LRRC41: variants seen among roughly 807,000 people sequenced by gnomAD.
The protein encoded by LRRC41 is leucine rich repeat containing 41.
LRRC41 carries 17 observed loss-of-function variants against 72.1 expected under a neutral mutation model. That is an observed-to-expected ratio of 0.24 (90% CI 0.16 to 0.35). The LOEUF (loss-of-function observed/expected upper bound fraction) is 0.35, where lower values mean the gene tolerates loss of function less well. Among genes scored for constraint, LRRC41 ranks in the 10% least tolerant of loss-of-function variants. The pLI is 1.00. For missense variants in LRRC41, 759 were observed against 1,065.0 expected, an observed-to-expected ratio of 0.71 and a Z score of 4.00; for synonymous variants, 427 against 431.0, an observed-to-expected ratio of 0.99 and a Z score of 0.11.
At position 46,281,397 on chromosome 1, in the gene LRRC41, AAG is replaced by A. The variant is rs1346959075; in HGVS notation, c.1496-14_1496-13del. On this transcript the variant is annotated splice_polypyrimidine_tract_variant and intron_variant, in intron 4 of 9. Transcript: ENST00000617190. The stretch of plus-strand genomic sequence containing the variant: ...GTTAGAGCCCAGGCCTATGGCAAGA[AAG>A]AGATTAAGTCAGAACCATGTGGGAG... 14 of 1,613,738 alleles carry A rather than the reference AAG, an allele frequency of 8.7e-6. No individual in the cohort carries two copies. Among genetic ancestry groups the A allele is most frequent in the Middle Eastern group, 1.6e-4 (1 of 6,080 alleles).
At chr1:46,299,808 TAG>T (rs999429275) in intron 1 of LRRC41, 1 of 151,498 alleles carries the variant, frequency 6.6e-6, no homozygotes, top group Non-Finnish European at 1.5e-5. Context: ...ACTCAGGAGG[TAG>T]AGACTGCAGT....
At chr1:46,290,925 T>TGG (rs745307617) in intron 3 of LRRC41, among the ~76,000 whole-genome samples, 1 of 68,866 alleles carries the variant, frequency 1.5e-5, no homozygotes, top group Non-Finnish European at 3.4e-5. Flanking sequence ...AGTTTTTTTT[T>TGG]TTTTTTTTTT....
chr1:46,288,906 T>C (rs1443636094), intron 3 of LRRC41, among the ~76,000 whole-genome samples: 1 of 152,224 alleles, frequency 6.6e-6, no homozygotes, highest in East Asian at 1.9e-4. Flanking sequence ...ACTAGCACTT[T>C]TCCTACAGAT....
chr1:46,291,317 A>C (rs1265586182), intron 3 of LRRC41, among the ~76,000 whole-genome samples: 1 of 152,116 alleles, frequency 6.6e-6, no homozygotes, highest in African/African-American at 2.4e-5. Context: ...TATAAATTCT[A>C]AGGAGTAGAA....
At chr1:46,294,761 A>ATT (rs1415675109) in intron 3 of LRRC41, among the ~76,000 whole-genome samples, 1 of 151,082 alleles carries the variant, frequency 6.6e-6, no homozygotes, top group Non-Finnish European at 1.5e-5. Flanking sequence ...CGCCCAGCTA[A>ATT]TTTTTGTATT....
Position 46,281,391 on chromosome 1 carries a change from G to A in LRRC41, c.1496-6C>T. The A allele has an allele frequency of 6.2e-7, 1 of 1,613,866 alleles. No individual in the cohort carries two copies. Among genetic ancestry groups the A allele is most frequent in the Non-Finnish European group, 8.5e-7 (1 of 1,179,796 alleles). ...GAAGATGTTAGAGCCCAGGCCTATG[G>A]CAAGAAAGAGATTAAGTCAGAACCA... On this transcript the variant is annotated splice_region_variant and splice_polypyrimidine_tract_variant and intron_variant, in intron 4 of 9. Coordinates refer to ENST00000617190, the MANE Select transcript of LRRC41 (RefSeq NM_006369.5).
chr1:46,292,194 C>T (rs1661033878), intron 3 of LRRC41, among the ~76,000 whole-genome samples: 1 of 151,216 alleles, frequency 6.6e-6, no homozygotes, highest in South Asian at 2.1e-4. Context: ...CCTGTAATCT[C>T]AGCTACTTGG....
rs561929674 is a variant in LRRC41, at chr1:46,285,241, C to T, written c.1495+121G>A. ...TCTCCCCTGCTATGAGGCATACAAGCCTTCCTCTCTAACCTCCTGATCATA... is the reference window on the plus strand; with the variant it reads ...TCTCCCCTGCTATGAGGCATACAAGTCTTCCTCTCTAACCTCCTGATCATA... On this transcript the variant is annotated intron_variant, in intron 4 of 9. Transcript: ENST00000617190. This position sits in a 1 kb window ranked among gnomAD's most constrained non-coding sequence, Gnocchi z 5.3. 4.9e-5 allele frequency: 45 copies of T among 910,994 alleles called. No individual in the cohort carries two copies. The African/African-American group carries it at 5.7e-4, about 12-fold the overall frequency. The allele number at this position is 910,994 out of a possible 1,614,324, so 56.4% of individuals were successfully genotyped here.
At chr1:46,281,425 T>C (rs1228169030) in intron 4 of LRRC41, 40 bp from the exon 5 acceptor site, 4 of 1,599,722 alleles carry the variant, frequency 2.5e-6, no homozygotes, top group Non-Finnish European at 3.4e-6. Context: ...CATGTGGGAG[T>C]GTCAGCAGGG....
At chr1:46,298,186 C>G (rs1221117392) in intron 2 of LRRC41, 98 bp downstream of exon 2, 32 of 854,894 alleles carry the variant, frequency 3.7e-5, no homozygotes, top group Non-Finnish European at 3.7e-6. Flanking sequence ...TTGAAAAGCA[C>G]GAAGTTCTAG....
intron 4 of LRRC41, among the ~76,000 whole-genome samples, chr1:46,283,714 T>C (rs558696047): frequency 0.027 from 4,139 of 152,178 alleles, 189 homozygotes; most frequent in African/African-American, 0.095. Context: ...AAAACTTTTT[T>C]TTTTTTTTTG....
In LRRC41 at chr1:46,302,287, C is replaced by T. The variant is rs1236681234; in HGVS notation, c.199+837G>A. The T allele has an allele frequency of 1.0e-6, 1 of 985,300 alleles. No individual in the cohort carries two copies. Among genetic ancestry groups the T allele is most frequent in the African/African-American group, 1.7e-5 (1 of 57,238 alleles). 61.0% of individuals were successfully genotyped at this position (985,300 alleles called of 1,614,324 possible). ...GGGCCGTCGCCCCGCTTGGGGCCTC[C>T]TTGGCCCTTCCCGCCTGTCCGTCAT... On this transcript the variant is annotated intron_variant, in intron 1 of 9. Coordinates refer to ENST00000617190, the MANE Select transcript of LRRC41 (RefSeq NM_006369.5). This position sits in a 1 kb window ranked among gnomAD's most constrained non-coding sequence, Gnocchi z 4.7.
In LRRC41 at chr1:46,286,263, G is replaced by C. The variant is rs749270377; in HGVS notation, c.594C>G (p.Leu198=). ...LETLASSLHT[L]KFRHLLFSDV... ...CAGAGAACAGCAGGTGGCGGAACTT[G>C]AGAGTGTGCAGGGAGCTGGCCAGGG... Residue 198 remains leucine, a synonymous_variant, in exon 4 of 10, where the codon CTC becomes CTG. Transcript: ENST00000617190. The surrounding 1 kb of genome is among the most constrained non-coding windows in gnomAD (Gnocchi z 5.5). The C allele has an allele frequency of 5.0e-6, 8 of 1,614,146 alleles. No individual in the cohort carries two copies. Among genetic ancestry groups the C allele is most frequent in the African/African-American group, 1.3e-5 (1 of 74,944 alleles).
intron 7 of LRRC41, 77 bp downstream of exon 7, chr1:46,280,115 G>A: frequency 1.8e-6 from 2 of 1,093,804 alleles, no homozygotes; most frequent in East Asian, 2.4e-5. Flanking sequence ...GAAAGGAACA[G>A]TGGTTTGCTC....
intron 2 of LRRC41, among the ~76,000 whole-genome samples, chr1:46,297,962 T>C (rs1322918835): frequency 6.6e-6 from 1 of 152,210 alleles, no homozygotes; most frequent in East Asian, 1.9e-4. Context: ...TAGGGTTAAA[T>C]GTTACCTGTT....
In LRRC41 at chr1:46,279,367, G is replaced by T; in HGVS notation, c.2144-110C>A. ...AGCCCTGCTGGTTCCTGAAGCCCCA[G>T]CACAGAAATATCTGTATTCCAACTC... is the stretch of plus-strand genomic sequence containing the variant. On this transcript the variant is annotated intron_variant, in intron 8 of 9. Transcript: ENST00000617190. The surrounding 1 kb of genome is among the most constrained non-coding windows in gnomAD (Gnocchi z 4.5). 1 of 1,576,954 alleles carries T rather than the reference G, an allele frequency of 6.3e-7. No homozygotes were observed. Among genetic ancestry groups the T allele is most frequent in the Non-Finnish European group, 8.7e-7 (1 of 1,146,664 alleles).
At chr1:46,299,024 C>T (rs1035875263) in intron 1 of LRRC41, 1 of 152,264 alleles carries the variant, frequency 6.6e-6, no homozygotes, top group Admixed American at 6.5e-5. Flanking sequence ...CTGCTATATT[C>T]TGAACTAGTA....
intron 3 of LRRC41, among the ~76,000 whole-genome samples, chr1:46,291,079 C>G (rs1661006447): frequency 6.6e-6 from 1 of 150,898 alleles, no homozygotes; most frequent in African/African-American, 2.4e-5. Flanking sequence ...CACGTGCCAC[C>G]ACACCCAAAT....
In LRRC41 at chr1:46,302,346, G is replaced by GC. The variant is rs938251284; in HGVS notation, c.199+777dup. On this transcript the variant is annotated intron_variant, in intron 1 of 9. Coordinates refer to ENST00000617190, the MANE Select transcript of LRRC41 (RefSeq NM_006369.5). This position sits in a 1 kb window ranked among gnomAD's most constrained non-coding sequence, Gnocchi z 4.7. Reference sequence around the variant, plus strand: ...CCCTCGCTTGTTTAAGCCGCTCCGGGCCCCCCTCCACTCGCTCTCCGGTCC... The same window carrying GC: ...CCCTCGCTTGTTTAAGCCGCTCCGGGCCCCCCCTCCACTCGCTCTCCGGTCC... The GC allele has an allele frequency of 2.0e-6, 2 of 985,246 alleles. No homozygotes were observed. The highest frequency in any genetic ancestry group is 1.1e-4 in the East Asian group (1 of 8,784). 61.0% of individuals were successfully genotyped at this position (985,246 alleles called of 1,614,324 possible). A position where few individuals can be genotyped will look rare whatever the true frequency, so the allele number is the denominator to read the frequency against.
Sources: allele counts gnomAD v4.1 joint callset (sites outside exome capture counted in the v4.1 genomes callset), GRCh38; gene constraint gnomAD v4.1.1; non-coding constraint Gnocchi (gnomAD v3.1); transcripts MANE v1.5; gene names NCBI Gene and HGNC (gene_info 2026-07-23, HGNC 2026-07-21).